The following UBE2E2 variants were observed in gnomAD, a reference collection of about 807,000 sequenced individuals.
UBE2E2 encodes the protein ubiquitin conjugating enzyme E2 E2, also known as ubiquitin-conjugating enzyme E2 E2.
A neutral mutation model predicts 24.7 loss-of-function variants in UBE2E2; 6 were observed. That is an observed-to-expected ratio of 0.24 (90% CI 0.13 to 0.48). The LOEUF is 0.48. Ranked by LOEUF, UBE2E2 falls within the 20% of genes least tolerant of loss-of-function variation. UBE2E2 has a pLI of 0.99. For synonymous variants in UBE2E2, 104 were observed against 83.6 expected (o/e 1.24, Z -1.33); for missense variants, 169 against 245.0 (o/e 0.69, Z 2.07).
chr3:23,516,066 C>T (rs752660968), intron 4 of UBE2E2, among the ~76,000 whole-genome samples: 1 of 152,150 alleles, frequency 6.6e-6, no homozygotes, highest in Non-Finnish European at 1.5e-5. Context: ...TGTTGAAGTA[C>T]ATGTGCATGC....
At chr3:23,327,935 G>A (rs933622136) in intron 3 of UBE2E2, among the ~76,000 whole-genome samples, 58 of 151,928 alleles carry the variant, frequency 3.8e-4, no homozygotes, top group African/African-American at 5.6e-4. Context: ...CTGATTTCTC[G>A]CTTAATAATT....
intron 3 of UBE2E2, among the ~76,000 whole-genome samples, chr3:23,295,157 T>G (rs941308829): frequency 1.7e-4 from 26 of 152,228 alleles, no homozygotes; most frequent in Non-Finnish European, 3.7e-4. Context: ...CAGCTGAGAT[T>G]GCTTTTTAAA....
intron 3 of UBE2E2, among the ~76,000 whole-genome samples, chr3:23,305,918 T>C (rs2125270388): frequency 6.6e-6 from 1 of 152,272 alleles, no homozygotes; most frequent in East Asian, 1.9e-4. Context: ...TTGTTTTATT[T>C]CATTTACTTT....
chr3:23,311,303 T>G (rs1296140484), intron 3 of UBE2E2, among the ~76,000 whole-genome samples: 4 of 152,244 alleles, frequency 2.6e-5, no homozygotes, highest in Non-Finnish European at 5.9e-5. Context: ...TTGTGAATAG[T>G]GCCGCAATAA....
intron 5 of UBE2E2, among the ~76,000 whole-genome samples, chr3:23,562,987 T>C (rs1049130042): frequency 1.9e-4 from 29 of 152,312 alleles, no homozygotes; most frequent in Middle Eastern, 3.4e-3. Context: ...TTGCTAGCAG[T>C]CTATCAATTT....
intron 1 of UBE2E2, among the ~76,000 whole-genome samples, chr3:23,207,967 A>G (rs566699922): frequency 6.6e-6 from 1 of 152,186 alleles, no homozygotes; most frequent in South Asian, 2.1e-4. Context: ...GAAGCATCAT[A>G]CCCATTAGCC....
chr3:23,460,629 T>A (rs919027896), intron 3 of UBE2E2, among the ~76,000 whole-genome samples: 5 of 152,168 alleles, frequency 3.3e-5, no homozygotes, highest in Admixed American at 2.0e-4. Context: ...AATTTAAAGC[T>A]CTTTGGTAAT....
In UBE2E2 at chr3:23,300,630, G is replaced by GT. The variant is rs1382035928; in HGVS notation, c.227+83319dup. On this transcript the variant is annotated intron_variant, in intron 3 of 5. Coordinates refer to ENST00000396703, the MANE Select transcript of UBE2E2 (RefSeq NM_152653.4). The stretch of plus-strand genomic sequence containing the variant: ...ATTGGTCCCCACTGTCTTCTGGCTT[G>GT]TAGAGTTTCTGCCGAGAGATCAGCT... 1.2e-4 allele frequency among the ~76,000 whole-genome samples: 18 copies of GT among 152,326 alleles called. No individual in the cohort carries two copies. In the East Asian group the frequency reaches 1.3e-3, roughly 11 times the overall value.
intron 3 of UBE2E2, among the ~76,000 whole-genome samples, chr3:23,230,793 A>G (rs1329214837): frequency 7.5e-6 from 1 of 133,920 alleles, no homozygotes; most frequent in African/African-American, 3.0e-5. Flanking sequence ...TCTCAAAAAG[A>G]AAAAAAAAAA....
intron 3 of UBE2E2, among the ~76,000 whole-genome samples, chr3:23,370,802 A>T (rs910185393): frequency 1.3e-5 from 2 of 152,284 alleles, no homozygotes; most frequent in Non-Finnish European, 2.9e-5. Flanking sequence ...ATCAAAGGAC[A>T]CCTCAATGGA....
At chr3:23,561,086 G>A (rs1258256595) in intron 5 of UBE2E2, among the ~76,000 whole-genome samples, 1 of 152,104 alleles carries the variant, frequency 6.6e-6, no homozygotes, top group Non-Finnish European at 1.5e-5. Flanking sequence ...GATCCCATTT[G>A]TCAATTTTGG....
intron 3 of UBE2E2, among the ~76,000 whole-genome samples, chr3:23,437,682 T>C (rs2125405508): frequency 6.6e-6 from 1 of 152,312 alleles, no homozygotes; most frequent in East Asian, 1.9e-4. Context: ...TCACTGCTTC[T>C]GTATAGTGTC....
intron 3 of UBE2E2, among the ~76,000 whole-genome samples, chr3:23,431,299 A>G (rs1698054719): frequency 6.6e-6 from 1 of 152,154 alleles, no homozygotes; most frequent in African/African-American, 2.4e-5. Context: ...TCTGTTTGCT[A>G]AGGATTTATT....
chr3:23,277,761 G>A (rs1698403186), intron 3 of UBE2E2, among the ~76,000 whole-genome samples: 2 of 152,066 alleles, frequency 1.3e-5, no homozygotes, highest in South Asian at 4.1e-4. Flanking sequence ...CTAAGGCTAT[G>A]TTAGTGACCC....
intron 3 of UBE2E2, among the ~76,000 whole-genome samples, chr3:23,274,651 G>C (rs956571401): frequency 2.6e-5 from 4 of 152,128 alleles, no homozygotes; most frequent in African/African-American, 9.7e-5. Flanking sequence ...ACAGGTATGA[G>C]CCATCGCGCC....
chr3:23,430,771 T>G (rs1698042531), intron 3 of UBE2E2, among the ~76,000 whole-genome samples: 1 of 152,192 alleles, frequency 6.6e-6, no homozygotes, highest in Non-Finnish European at 1.5e-5. Flanking sequence ...TCCTCCTACC[T>G]CAGCCTTCCA....
intron 3 of UBE2E2, among the ~76,000 whole-genome samples, chr3:23,301,755 G>C (rs761989205): frequency 1.3e-5 from 2 of 151,786 alleles, no homozygotes; most frequent in East Asian, 3.9e-4. Context: ...GAGGCAGTCT[G>C]CCTGTTCTCA....
intron 3 of UBE2E2, among the ~76,000 whole-genome samples, chr3:23,447,666 G>T (rs1452220929): frequency 7.2e-5 from 11 of 152,148 alleles, no homozygotes; most frequent in Admixed American, 5.2e-4. Flanking sequence ...TTTTGTTCAT[G>T]TAATCCTTTC....
intron 3 of UBE2E2, among the ~76,000 whole-genome samples, chr3:23,413,538 C>T (rs893565492): frequency 6.6e-6 from 1 of 152,120 alleles, no homozygotes; most frequent in Non-Finnish European, 1.5e-5. Context: ...TTTTTCTTCA[C>T]TTTTGGTGTA....
Sources: gnomAD v4.1 joint callset for allele counts (sites outside exome capture counted in the v4.1 genomes callset) on GRCh38, gnomAD v4.1.1 for gene constraint, MANE v1.5 for transcripts, NCBI Gene and HGNC (gene_info 2026-07-23, HGNC 2026-07-21) for gene names.